Variants in ADGRL1 observed in about 807,000 individuals in gnomAD.
The protein encoded by ADGRL1 is CIRL-1.
ADGRL1 carries 31 observed loss-of-function variants against 148.9 expected under a neutral mutation model. The observed-to-expected ratio is 0.21, with a 90% CI of 0.16 to 0.28. ADGRL1 has a LOEUF of 0.28. Ranked by LOEUF, ADGRL1 falls within the 10% of genes least tolerant of loss-of-function variation. The pLI, the probability that ADGRL1 is intolerant of heterozygous loss-of-function variation, is 1.00. For missense variants in ADGRL1, 1,521 were observed against 2,058.8 expected, an observed-to-expected ratio of 0.74 and a Z score of 5.05; for synonymous variants, 937 against 900.3, an observed-to-expected ratio of 1.04 and a Z score of -0.73.
chr19:14,170,979 G>C (rs34031560), intron 3 of ADGRL1, 188 bp from the exon 4 acceptor site: 2 of 549,178 alleles, frequency 3.6e-6, no homozygotes, highest in Non-Finnish European at 6.6e-6. Flanking sequence ...GTGATCTCCA[G>C]TGTTGGAGGT....
intron 3 of ADGRL1, among the ~76,000 whole-genome samples, chr19:14,174,087 C>A (rs909140198): frequency 1.3e-5 from 2 of 152,134 alleles, no homozygotes; most frequent in African/African-American, 4.8e-5. Flanking sequence ...CACACTCCCT[C>A]AGCCCCGGTA....
intron 1 of ADGRL1, among the ~76,000 whole-genome samples, chr19:14,204,370 AG>A (rs1431074918): frequency 6.6e-5 from 10 of 151,978 alleles, no homozygotes; most frequent in Non-Finnish European, 1.3e-4. Flanking sequence ...GAAGAGAATG[AG>A]GGGTGTGGAC....
In ADGRL1 at chr19:14,152,563, G is replaced by C. The variant is rs1166454827; in HGVS notation, c.3474C>G (p.Ser1158=). The C allele has an allele frequency of 2.5e-6, 4 of 1,614,108 alleles. No individual in the cohort carries two copies. The highest frequency in any genetic ancestry group is 4.5e-5 in the East Asian group (2 of 44,884). ...WNDTVRKQTE[S]SFMAGDINST... Reference sequence around the variant, plus strand: ...TGTTGATGTCACCCGCCATGAAGGAGGACTCCGTCTGTTTCCTCACAGTGT... The same window carrying C: ...TGTTGATGTCACCCGCCATGAAGGACGACTCCGTCTGTTTCCTCACAGTGT... Residue 1158 remains serine, a synonymous_variant, in exon 20 of 23, where the codon TCC becomes TCG. Coordinates refer to ENST00000361434, the MANE Select transcript of ADGRL1 (RefSeq NM_014921.5). This position sits in a 1 kb window ranked among gnomAD's most constrained non-coding sequence, Gnocchi z 6.1.
chr19:14,183,767 G>A, intron 1 of ADGRL1, 70 bp from the exon 2 acceptor site: 1 of 620,640 alleles, frequency 1.6e-6, no homozygotes, highest in Non-Finnish European at 2.8e-6. Flanking sequence ...CCTGCTGGTG[G>A]CTGAGTAGCT....
In ADGRL1 at chr19:14,189,214, CTTT is replaced by C. The variant is rs869270152; in HGVS notation, c.-95-5520_-95-5518del. Among the ~76,000 whole-genome samples the C allele has an allele frequency of 9.5e-5, 13 of 136,428 alleles. No homozygotes were observed. The Admixed American group carries it at 9.6e-4, about 10-fold the overall frequency. The allele number at this position is 136,428 out of a possible 152,430, so 89.5% of individuals were successfully genotyped here. A position where few individuals can be genotyped will look rare whatever the true frequency, so the allele number is the denominator to read the frequency against. ...CAAATGGAGTCACAGGCTATGTGGC[CTTT>C]TTTTTTTTTTTTTTCCCAGTTAGAT... On this transcript the variant is annotated intron_variant, in intron 1 of 22. Coordinates refer to ENST00000361434, the MANE Select transcript of ADGRL1 (RefSeq NM_014921.5).
chr19:14,197,549 C>G (rs1972338405), intron 1 of ADGRL1, among the ~76,000 whole-genome samples: 1 of 152,180 alleles, frequency 6.6e-6, no homozygotes, highest in Non-Finnish European at 1.5e-5. Flanking sequence ...GTCCTGCCAC[C>G]TTCCCATCAC....
rs947712735 is a variant in ADGRL1 at position 14,157,957 on chromosome 19, C to T, written c.2460G>A (p.Glu820=). 3.7e-6 allele frequency: 6 copies of T among 1,614,224 alleles called. No individual in the cohort carries two copies. The highest frequency in any genetic ancestry group is 4.2e-6 in the Non-Finnish European group (5 of 1,180,022). The change falls in exon 13 of 23, where the codon GAG becomes GAA. Residue 820 remains glutamate (E), a synonymous_variant. Transcript: ENST00000361434. This position sits in a 1 kb window ranked among gnomAD's most constrained non-coding sequence, Gnocchi z 7.5. ...YWSTQGCRLV[E]SNKTHTTCAC... ...CACACGTGGTATGGGTCTTGTTGGA[C>T]TCCACCAGGCGGCAGCCTTGGGTCG...
chr19:14,166,082 T>C (rs1423876182), intron 4 of ADGRL1, among the ~76,000 whole-genome samples: 1 of 151,968 alleles, frequency 6.6e-6, no homozygotes, highest in South Asian at 2.1e-4. Flanking sequence ...TCTGTGGAAG[T>C]CCCCAGACTG....
At chr19:14,151,707 C>T in intron 22 of ADGRL1, 92 bp from the exon 23 acceptor site, 1 of 1,274,756 alleles carries the variant, frequency 7.8e-7, no homozygotes, top group South Asian at 1.4e-5. Flanking sequence ...GAGAAGTGGG[C>T]TTGATTCCTG....
In ADGRL1 at chr19:14,156,682, G is replaced by A. The variant is rs3736065; in HGVS notation, c.3009C>T (p.Ile1003=). The part of the protein sequence containing the change: ...RVDNYFIWSF[I]GPVSFVIVVN... ...CCACGATAACGAAGGAGACTGGCCC[G>A]ATGAAACTCCAGATGAAGTAATTGT... Residue 1003 remains isoleucine (I), a synonymous_variant, in exon 16 of 23, where the codon ATC becomes ATT. Coordinates refer to ENST00000361434, the MANE Select transcript of ADGRL1 (RefSeq NM_014921.5). The A allele has an allele frequency of 5.9e-5, 95 of 1,611,552 alleles. No individual in the cohort carries two copies. In the East Asian group the frequency reaches 1.7e-3, roughly 28 times the overall value.
chr19:14,199,184 C>T (rs1395728307), intron 1 of ADGRL1, among the ~76,000 whole-genome samples: 5 of 152,206 alleles, frequency 3.3e-5, no homozygotes, highest in African/African-American at 7.2e-5. Context: ...AGGACACCCA[C>T]GTCACTCCTC....
chr19:14,189,734 G>C (rs117684604), intron 1 of ADGRL1, among the ~76,000 whole-genome samples: 5,059 of 152,284 alleles, frequency 0.033, 144 homozygotes, highest in Non-Finnish European at 0.052. Context: ...TAGCTTTGCT[G>C]AGGCATCATT....
In ADGRL1 at chr19:14,150,598, C is replaced by G; in HGVS notation, c.*275G>C. 1 of 475,212 alleles carries G rather than the reference C, an allele frequency of 2.1e-6. No individual in the cohort carries two copies. The highest frequency in any genetic ancestry group is 3.9e-5 in the Admixed American group (1 of 25,842). The allele number at this position is 475,212 out of a possible 1,614,324, so 29.4% of individuals were successfully genotyped here. On this transcript the variant is annotated 3_prime_UTR_variant, in exon 23 of 23. Coordinates refer to ENST00000361434, the MANE Select transcript of ADGRL1 (RefSeq NM_014921.5). Reference sequence around the variant, plus strand: ...GGCTGCACCCTTCCAAGTTCTCCCTCCTCACTCCCCTGGGGTCCTCTGGGC... The same window carrying G: ...GGCTGCACCCTTCCAAGTTCTCCCTGCTCACTCCCCTGGGGTCCTCTGGGC...
rs958745890 is a variant in ADGRL1, at chr19:14,149,928, T to TC, written c.*944_*945insG. 3 of 148,602 alleles carry TC rather than the reference T, an allele frequency of 2.0e-5. No homozygotes were observed. The highest frequency in any genetic ancestry group is 7.4e-5 in the African/African-American group (3 of 40,598). The allele number at this position is 148,602 out of a possible 1,614,324, so 9.2% of individuals were successfully genotyped here. A position where few individuals can be genotyped will look rare whatever the true frequency, so the allele number is the denominator to read the frequency against. ...ATGAGATTTTTTTTCTTTTCTTTTT[T>TC]TTTTTTTTTGTCTTTTTTTTTTCTT... On this transcript the variant is annotated 3_prime_UTR_variant, in exon 23 of 23. Transcript: ENST00000361434.
intron 12 of ADGRL1, 58 bp from the exon 13 acceptor site, chr19:14,158,110 C>T: frequency 6.4e-7 from 1 of 1,555,672 alleles, no homozygotes; most frequent in Non-Finnish European, 8.8e-7. Context: ...GAGTCCCATT[C>T]CGACCCCCCA....
intron 1 of ADGRL1, among the ~76,000 whole-genome samples, chr19:14,190,031 A>C (rs944629541): frequency 6.6e-6 from 1 of 152,126 alleles, no homozygotes; most frequent in Non-Finnish European, 1.5e-5. Context: ...CAGTTCAAGC[A>C]ATTCTCGTGC....
chr19:14,178,854 A>G (rs1378876128), intron 2 of ADGRL1, among the ~76,000 whole-genome samples: 2 of 152,070 alleles, frequency 1.3e-5, no homozygotes, highest in Non-Finnish European at 2.9e-5. Flanking sequence ...GGGGAAGACA[A>G]TGTGAAGACA....
rs558680621 is a variant in ADGRL1 at position 14,167,765 on chromosome 19, G to C, written c.394+2917C>G. 2.0e-5 allele frequency among the ~76,000 whole-genome samples: 3 copies of C among 151,950 alleles called. No homozygotes were observed. The South Asian group carries it at 6.3e-4, about 32-fold the overall frequency. ...GGGTTGGGGAGACGGAGGCAGAGAG[G>C]TGGCGGGGGTGGGGGACACAGACTG... On this transcript the variant is annotated intron_variant, in intron 4 of 22. Coordinates refer to ENST00000361434, the MANE Select transcript of ADGRL1 (RefSeq NM_014921.5).
At chr19:14,200,123 C>A (rs1972503426) in intron 1 of ADGRL1, among the ~76,000 whole-genome samples, 1 of 152,194 alleles carries the variant, frequency 6.6e-6, no homozygotes, top group Non-Finnish European at 1.5e-5. Context: ...GAGAGAGGAG[C>A]ACGCAGGTGT....
Sources: gnomAD v4.1 joint callset for allele counts (sites outside exome capture counted in the v4.1 genomes callset) on GRCh38, gnomAD v4.1.1 for gene constraint, Gnocchi (gnomAD v3.1) non-coding constraint, MANE v1.5 for transcripts, NCBI Gene and HGNC (gene_info 2026-07-23, HGNC 2026-07-21) for gene names.